The following CCDC169 variants were observed in gnomAD, a reference collection of about 807,000 sequenced individuals.
CCDC169 encodes coiled-coil domain containing 169.
In CCDC169, 30 loss-of-function variants were observed where a neutral mutation model predicts 36.0. That is an observed-to-expected ratio of 0.83 (90% CI 0.62 to 1.13). CCDC169 has a LOEUF of 1.13. Among genes scored for constraint, CCDC169 ranks in the 50% most tolerant of loss-of-function variants. The pLI is 0.00. For missense variants in CCDC169, 245 were observed against 245.9 expected (o/e 1.00, Z 0.03); for synonymous variants, 85 against 81.5 (o/e 1.04, Z -0.23).
intron 2 of CCDC169, among the ~76,000 whole-genome samples, chr13:36,295,409 A>C (rs1455937684): frequency 2.0e-5 from 3 of 152,186 alleles, no homozygotes; most frequent in Non-Finnish European, 4.4e-5. Context: ...GCTAAAACCT[A>C]GATACGGATT....
intron 2 of CCDC169, among the ~76,000 whole-genome samples, chr13:36,284,028 C>G (rs1296871042): frequency 6.6e-6 from 1 of 151,952 alleles, no homozygotes; most frequent in African/African-American, 2.4e-5. Flanking sequence ...AATATCAGGA[C>G]ATGTTTCTTT....
downstream of CCDC169, chr13:36,227,223 C>T (rs1008418268): frequency 1.3e-6 from 2 of 1,548,500 alleles, no homozygotes; most frequent in East Asian, 2.4e-5. Context: ...GTGAGTCTGA[C>T]ACACAGCCAA....
chr13:36,261,852 T>C (rs1026711944), intron 4 of CCDC169, among the ~76,000 whole-genome samples: 1 of 152,234 alleles, frequency 6.6e-6, no homozygotes, highest in African/African-American at 2.4e-5. Flanking sequence ...AACTTGCTGG[T>C]TGGAATTTAC....
Position 36,254,102 on chromosome 13 carries a change from C to G in CCDC169, c.357G>C (p.Lys119Asn). Residue 119 changes from lysine to asparagine, a missense_variant, in exon 5 of 8, where the codon AAG becomes AAC. Physicochemically the swap from Lys to Asn is moderately conservative, Grantham distance 94. Transcript: ENST00000239859. The part of the protein sequence containing the change: ...NTLLKQLEEE[K>N]KTLESQVKYY... ...ATTTCACTTGACTTTCAAGAGTCTT[C>G]TTTTCTTCTTCTAGCTGTTTAAGTA... The G allele has an allele frequency of 6.5e-7, 1 of 1,545,614 alleles. No homozygotes were observed. The highest frequency in any genetic ancestry group is 8.7e-7 in the Non-Finnish European group (1 of 1,145,242).
intron 2 of CCDC169, among the ~76,000 whole-genome samples, chr13:36,295,262 G>T (rs1463331609): frequency 1.3e-5 from 2 of 152,084 alleles, no homozygotes; most frequent in African/African-American, 4.8e-5. Context: ...TTAGAACAGG[G>T]AAAACAAAGG....
chr13:36,254,669 AT>A (rs1196606017), intron 4 of CCDC169, among the ~76,000 whole-genome samples: 1 of 152,034 alleles, frequency 6.6e-6, no homozygotes, highest in East Asian at 1.9e-4. Context: ...TCTTTTTTTC[AT>A]ATTAAACTAT....
At chr13:36,271,964 C>A (rs9547053) in intron 4 of CCDC169, among the ~76,000 whole-genome samples, 38,319 of 150,818 alleles carry the variant, frequency 0.25, 5,123 homozygotes, top group East Asian at 0.49. Context: ...GCATGTCTGT[C>A]ATCCCAGCTA....
At chr13:36,247,475 G>A (rs953532061) in intron 7 of CCDC169, among the ~76,000 whole-genome samples, 1 of 152,108 alleles carries the variant, frequency 6.6e-6, no homozygotes, top group South Asian at 2.1e-4. Context: ...GAACATTTGT[G>A]ATTTATGGGA....
intron 7 of CCDC169, among the ~76,000 whole-genome samples, chr13:36,246,958 C>G (rs947180247): frequency 2.0e-5 from 3 of 152,162 alleles, no homozygotes; most frequent in Admixed American, 6.5e-5. Context: ...GAAGACAATG[C>G]CTCGCTTCAA....
At chr13:36,273,544 A>C (rs1876380119) in intron 4 of CCDC169, among the ~76,000 whole-genome samples, 1 of 152,188 alleles carries the variant, frequency 6.6e-6, no homozygotes, top group Non-Finnish European at 1.5e-5. Context: ...GAACATTCTA[A>C]TTATGCACAT....
At chr13:36,258,877 C>G (rs1874257994) in intron 4 of CCDC169, among the ~76,000 whole-genome samples, 2 of 152,178 alleles carry the variant, frequency 1.3e-5, no homozygotes, top group South Asian at 4.1e-4. Flanking sequence ...CCCTCTCTTG[C>G]AGTCTGGATC....
At position 36,231,383 on chromosome 13, in the gene CCDC169, A is replaced by G. The variant is rs1172877649; in HGVS notation, c.546-91T>C. On this transcript the variant is annotated intron_variant, in intron 7 of 7. Coordinates refer to ENST00000239859, the MANE Select transcript of CCDC169 (RefSeq NM_001144981.3). ...CCACACAGGAAGAAATGTATATTGC[A>G]CCTTGTTCCCCCCAACAGACCTTCA... 2.4e-6 allele frequency: 3 copies of G among 1,255,134 alleles called. No individual in the cohort carries two copies. The South Asian group carries it at 4.2e-5, about 18-fold the overall frequency. The allele number at this position is 1,255,134 out of a possible 1,614,324, so 77.7% of individuals were successfully genotyped here.
intron 4 of CCDC169, among the ~76,000 whole-genome samples, chr13:36,272,172 G>A (rs1214569743): frequency 6.6e-6 from 1 of 150,992 alleles, no homozygotes; most frequent in Admixed American, 6.6e-5. Flanking sequence ...TTGGGTGATG[G>A]GTGCACTAAA....
chr13:36,269,775 C>T (rs1331998404), intron 4 of CCDC169, among the ~76,000 whole-genome samples: 1 of 152,062 alleles, frequency 6.6e-6, no homozygotes. Flanking sequence ...GGACTTACTT[C>T]AAAATAATAA....
intron 4 of CCDC169, among the ~76,000 whole-genome samples, chr13:36,267,605 T>A (rs1875499374): frequency 6.6e-6 from 1 of 152,162 alleles, no homozygotes; most frequent in African/African-American, 2.4e-5. Context: ...GTGCCTCGTA[T>A]CTCAATATTA....
chr13:36,252,230 C>A (rs1873262741), intron 6 of CCDC169, among the ~76,000 whole-genome samples: 1 of 152,176 alleles, frequency 6.6e-6, no homozygotes, highest in African/African-American at 2.4e-5. Context: ...TAGGAGGAAC[C>A]AGTGCCTTCA....
chr13:36,267,010 A>G (rs1357912062), intron 4 of CCDC169, among the ~76,000 whole-genome samples: 2 of 152,196 alleles, frequency 1.3e-5, no homozygotes, highest in Non-Finnish European at 2.9e-5. Context: ...TGCCCATGTA[A>G]AAGGAAATAG....
chr13:36,268,879 C>T (rs1458112063), intron 4 of CCDC169, among the ~76,000 whole-genome samples: 1 of 152,030 alleles, frequency 6.6e-6, no homozygotes, highest in Admixed American at 6.6e-5. Flanking sequence ...CTGAAGTGGG[C>T]AGATCATTTG....
chr13:36,259,428 A>G (rs1712710258), intron 4 of CCDC169, among the ~76,000 whole-genome samples: 1 of 152,266 alleles, frequency 6.6e-6, no homozygotes. Context: ...AATGGACGAC[A>G]GCGACATACA....
Sources: gnomAD v4.1 joint callset for allele counts (sites outside exome capture counted in the v4.1 genomes callset) on GRCh38, gnomAD v4.1.1 for gene constraint, MANE v1.5 for transcripts, NCBI Gene and HGNC (gene_info 2026-07-23, HGNC 2026-07-21) for gene names.